ANK2: variants seen among roughly 807,000 people sequenced by gnomAD.
ANK2 encodes ankyrin-2.
Under a neutral mutation model 360.5 loss-of-function variants are expected in ANK2, and 83 were observed. The ratio of observed to expected loss-of-function variants is 0.23; its 90% confidence interval spans 0.19 to 0.28. The LOEUF is 0.28. Ranked by LOEUF, ANK2 falls within the 10% of genes least tolerant of loss-of-function variation. The pLI, the probability that ANK2 is intolerant of heterozygous loss-of-function variation, is 1.00. For synonymous variants in ANK2, 1,740 were observed against 1,759.5 expected, an observed-to-expected ratio of 0.99 and a Z score of 0.28; for missense variants, 4,201 against 4,795.7, an observed-to-expected ratio of 0.88 and a Z score of 3.66.
chr4:113,266,315 AT>A (rs1355257584), intron 14 of ANK2, among the ~76,000 whole-genome samples: 2 of 152,298 alleles, frequency 1.3e-5, no homozygotes, highest in East Asian at 3.9e-4. Context: ...ATAGTATTCC[AT>A]GGTGTATATG....
At chr4:112,799,505 A>ATTTATT in the ANK2 span, among the ~76,000 whole-genome samples, 154 of 151,430 alleles carry the variant, frequency 1.0e-3, no homozygotes, top group African/African-American at 3.0e-3. Context: ...ATTTTTATTT[A>ATTTATT]TTTATTTTTA....
chr4:113,059,563 G>A (rs868666996), intron 1 of ANK2, among the ~76,000 whole-genome samples: 18 of 152,058 alleles, frequency 1.2e-4, no homozygotes, highest in Middle Eastern at 3.4e-3. Flanking sequence ...TGGTTCATAC[G>A]GCATTCTTAT....
the ANK2 span, among the ~76,000 whole-genome samples, chr4:112,799,773 C>T: frequency 4.0e-5 from 6 of 150,668 alleles, no homozygotes; most frequent in South Asian, 1.3e-3. Flanking sequence ...CCGCCTCAGC[C>T]TTCCAAAGTG....
At chr4:112,875,791 T>G (rs1015664104) in intron 1 of ANK2, among the ~76,000 whole-genome samples, 1 of 151,998 alleles carries the variant, frequency 6.6e-6, no homozygotes, top group Non-Finnish European at 1.5e-5. Flanking sequence ...CAGGCTGGAG[T>G]GCAGTGGTGT....
chr4:112,990,549 A>G (rs2046399160), intron 2 of ANK2, among the ~76,000 whole-genome samples: 1 of 151,920 alleles, frequency 6.6e-6, no homozygotes, highest in African/African-American at 2.4e-5. Context: ...GGTGTGTTTC[A>G]GAGACAGAGA....
chr4:112,993,022 C>T (rs1040383771), intron 2 of ANK2, among the ~76,000 whole-genome samples: 1 of 151,994 alleles, frequency 6.6e-6, no homozygotes, highest in Non-Finnish European at 1.5e-5. Context: ...GTGGCTCATA[C>T]CTGTAATTCC....
At chr4:112,781,827 ATTTTTT>A in the ANK2 span, among the ~76,000 whole-genome samples, 42 of 124,774 alleles carry the variant, frequency 3.4e-4, no homozygotes, top group Non-Finnish European at 4.9e-4. Flanking sequence ...TGATAACAGT[ATTTTTT>A]TTTTTTTTTT....
In ANK2 at chr4:113,369,500, CT is replaced by C. The variant is rs1359537675; in HGVS notation, c.11319-9del. The stretch of plus-strand genomic sequence containing the variant: ...CAAATGTCCCTGAAGTCTCATTTGG[CT>C]TTTTGATTCCAGTGTGACAACTCCA... On this transcript the variant is annotated splice_polypyrimidine_tract_variant and intron_variant, in intron 42 of 45. Coordinates refer to ENST00000357077, the MANE Select transcript of ANK2 (RefSeq NM_001148.6). 6.2e-7 allele frequency: 1 copy of C among 1,613,152 alleles called. No homozygotes were observed. Among genetic ancestry groups the C allele is most frequent in the Non-Finnish European group, 8.5e-7 (1 of 1,179,962 alleles).
At chr4:113,266,970 T>C (rs1335696611) in intron 14 of ANK2, among the ~76,000 whole-genome samples, 2 of 152,226 alleles carry the variant, frequency 1.3e-5, no homozygotes, top group Non-Finnish European at 1.5e-5. Context: ...CATATCTCAT[T>C]GTGGTTTTGA....
Position 113,339,242 on chromosome 4 carries a change from C to G in ANK2, c.3813C>G (p.Ala1271=). The change falls in exon 32 of 46, where the codon GCC becomes GCG. Residue 1271 remains alanine (A), a synonymous_variant. Coordinates refer to ENST00000357077, the MANE Select transcript of ANK2 (RefSeq NM_001148.6). ...TTATTTCAGGTGGAACCACCCCTGC[C>G]CAGTGGGAAGATATTACAGGAACTA... ...LCSITGGTTP[A]QWEDITGTTP... is the part of the protein sequence containing the mutation. The G allele has an allele frequency of 1.2e-6, 2 of 1,613,614 alleles. No homozygotes were observed. The highest frequency in any genetic ancestry group is 8.5e-7 in the Non-Finnish European group (1 of 1,179,786).
chr4:113,300,699 A>C (rs2074506185), intron 22 of ANK2, among the ~76,000 whole-genome samples: 1 of 152,222 alleles, frequency 6.6e-6, no homozygotes, highest in Non-Finnish European at 1.5e-5. Context: ...ATTTCTGGTA[A>C]ATGAGAGAAT....
At chr4:113,178,119 C>T (rs1394112782) in intron 2 of ANK2, among the ~76,000 whole-genome samples, 1 of 152,088 alleles carries the variant, frequency 6.6e-6, no homozygotes, top group Non-Finnish European at 1.5e-5. Flanking sequence ...TGGTGGCTCA[C>T]ACCTGTAATC....
At position 113,017,508 on chromosome 4, in the gene ANK2, G is replaced by C. The variant is rs2056954016; in HGVS notation, c.21+112994G>C. ...AGCTAAACCAACATTGCAGAAATTA[G>C]AACTATCATACATTTTCTGCAGACT... On this transcript the variant is annotated intron_variant, in intron 2 of 30. Coordinates refer to the ANK2 transcript ENST00000503271. Among the ~76,000 whole-genome samples, 4 of 152,296 alleles carry C rather than the reference G, an allele frequency of 2.6e-5. 1 individual carries two copies. In the South Asian group the frequency reaches 8.3e-4, roughly 32 times the overall value.
chr4:113,145,939 A>T (rs1326514629), intron 1 of ANK2: 1 of 1,289,858 alleles, frequency 7.8e-7, no homozygotes, highest in South Asian at 1.2e-5. Flanking sequence ...AACATGCAGG[A>T]ACTGGATAAA....
intron 10 of ANK2, among the ~76,000 whole-genome samples, chr4:113,250,558 CT>C (rs2045607753): frequency 6.6e-6 from 1 of 152,016 alleles, no homozygotes; most frequent in Non-Finnish European, 1.5e-5. Flanking sequence ...ATTTTAAATG[CT>C]TTTATTATTG....
intron 40 of ANK2, among the ~76,000 whole-genome samples, chr4:113,363,984 T>A (rs1564103293): frequency 6.6e-6 from 1 of 151,976 alleles, no homozygotes; most frequent in Non-Finnish European, 1.5e-5. Context: ...ATGTATAGAG[T>A]CCATGGTAAT....
At chr4:113,126,096 G>T (rs995492033) in intron 1 of ANK2, among the ~76,000 whole-genome samples, 1 of 152,100 alleles carries the variant, frequency 6.6e-6, no homozygotes, top group Non-Finnish European at 1.5e-5. Flanking sequence ...ATTTATTGTG[G>T]TTCCCTGAGA....
At chr4:113,342,169 T>G (rs569065161) in intron 33 of ANK2, among the ~76,000 whole-genome samples, 8 of 152,286 alleles carry the variant, frequency 5.3e-5, no homozygotes, top group Non-Finnish European at 1.2e-4. Flanking sequence ...AAATTATGAG[T>G]TATTGATAAA....
intron 1 of ANK2, among the ~76,000 whole-genome samples, chr4:113,143,838 AG>A (rs1429188836): frequency 6.6e-6 from 1 of 152,206 alleles, no homozygotes; most frequent in African/African-American, 2.4e-5. Context: ...TAAATACTAC[AG>A]AACATGGTTC....
Sources: allele counts gnomAD v4.1 joint callset (sites outside exome capture counted in the v4.1 genomes callset), GRCh38; gene constraint gnomAD v4.1.1; transcripts MANE v1.5; gene names NCBI Gene and HGNC (gene_info 2026-07-23, HGNC 2026-07-21).